The following CARD19 variants were observed in gnomAD, a reference collection of about 807,000 sequenced individuals.
CARD19 encodes caspase recruitment domain family member 19.
In CARD19, 25 loss-of-function variants were observed where a neutral mutation model predicts 24.1. The observed-to-expected ratio is 1.04, with a 90% confidence interval of 0.76 to 1.45. CARD19 has a LOEUF of 1.45. CARD19 is among the 40% of genes most tolerant of loss of function. The pLI is 0.00. For missense variants in CARD19, 241 were observed against 247.4 expected (o/e 0.97, Z 0.17); for synonymous variants, 103 against 104.9 (o/e 0.98, Z 0.11).
chr9:93,107,638 C>T, intron 1 of CARD19, 36 bp from the exon 2 acceptor site: 3 of 1,612,392 alleles, frequency 1.9e-6, no homozygotes, highest in Non-Finnish European at 1.7e-6. Flanking sequence ...TCCCCTTGGG[C>T]TGTGCTGGCT....
rs1826887089 is a variant in CARD19, at chr9:93,096,858, A to AT, written c.7+508dup. ...GCGATGCGTTCCTCGGCGGCATGTG[A>AT]TTCCTGTGGGACTCTTGGAGTCTCC... On this transcript the variant is annotated intron_variant, in intron 1 of 5. Transcript: ENST00000375464. This position sits in a 1 kb window ranked among gnomAD's most constrained non-coding sequence, Gnocchi z 5.4. Among the ~76,000 whole-genome samples, 1 of 150,668 alleles carries AT rather than the reference A, an allele frequency of 6.6e-6. No homozygotes were observed. Among genetic ancestry groups the AT allele is most frequent in the Non-Finnish European group, 1.5e-5 (1 of 67,596 alleles).
At position 93,110,593 on chromosome 9, in the gene CARD19, G is replaced by A. The variant is rs200833853; in HGVS notation, c.176G>A (p.Arg59His). Residue 59 changes from arginine to histidine, a missense_variant, in exon 3 of 6, where the codon CGT becomes CAT. By Grantham distance (29) the Arg-to-His change is conservative. Coordinates refer to ENST00000375464, the MANE Select transcript of CARD19 (RefSeq NM_032310.5). ...EKFRNPKASL[R>H]VRLCDLLSHL... ...TTCCGGAACCCCAAGGCATCCTTGC[G>A]TGTGCGGCTCTGTGACCTCCTGAGC... 5.7e-5 allele frequency: 92 copies of A among 1,611,398 alleles called. 1 individual carries two copies. The highest frequency in any genetic ancestry group is 5.2e-4 in the Admixed American group (31 of 59,916).
intron 1 of CARD19, among the ~76,000 whole-genome samples, chr9:93,105,620 T>A (rs964425874): frequency 2.6e-5 from 4 of 152,204 alleles, no homozygotes; most frequent in Non-Finnish European, 5.9e-5. Context: ...TGAGTTTTTT[T>A]AGTTTTCTAT....
At chr9:93,112,887 C>A in intron 5 of CARD19, 105 bp from the exon 6 acceptor site, 1 of 703,844 alleles carries the variant, frequency 1.4e-6, no homozygotes, top group Non-Finnish European at 2.4e-6. Context: ...GAGGGAGCAC[C>A]CTGTCCCAGT....
In CARD19 at chr9:93,110,550, AC is replaced by A; in HGVS notation, c.151-13del. 6.4e-7 allele frequency: 1 copy of A among 1,571,632 alleles called. No individual in the cohort carries two copies. ...CCCCCCTGGCCTGATCTTCCCTGGCACCCCCTTGTACCCTCAGTTCCGGAAC... is the reference window on the plus strand; with the variant it reads ...CCCCCCTGGCCTGATCTTCCCTGGCACCCCTTGTACCCTCAGTTCCGGAAC... On this transcript the variant is annotated splice_polypyrimidine_tract_variant and intron_variant, in intron 2 of 5. Transcript: ENST00000375464.
At position 93,112,917 on chromosome 9, in the gene CARD19, C is replaced by T. The variant is rs73522765; in HGVS notation, c.437-75C>T. On this transcript the variant is annotated intron_variant, in intron 5 of 5. Coordinates refer to ENST00000375464, the MANE Select transcript of CARD19 (RefSeq NM_032310.5). The stretch of plus-strand genomic sequence containing the variant: ...CCCAGTGCCTGTTCCCACCCACCCC[C>T]GCAGGAGGGATGGAAACACAGAATT... The T allele has an allele frequency of 3.6e-3, 3,725 of 1,041,858 alleles. 95 individuals are homozygous for T. The African/African-American group carries it at 0.051, about 14-fold the overall frequency. 64.5% of individuals were successfully genotyped at this position (1,041,858 alleles called of 1,614,324 possible).
chr9:93,101,266 A>T (rs1587636893), intron 1 of CARD19, among the ~76,000 whole-genome samples: 1 of 152,008 alleles, frequency 6.6e-6, no homozygotes, highest in East Asian at 1.9e-4. Context: ...TTTAGTAGAG[A>T]CGGGGCTTCG....
chr9:93,100,504 C>T (rs112636787), intron 1 of CARD19, among the ~76,000 whole-genome samples: 6 of 152,228 alleles, frequency 3.9e-5, no homozygotes, highest in African/African-American at 1.2e-4. Context: ...GAATAATATT[C>T]GTTGTATGGA....
chr9:93,107,739 G>A lies in CARD19; in HGVS notation c.73G>A (p.Glu25Lys), dbSNP rs750481219. The A allele has an allele frequency of 1.9e-6, 3 of 1,614,108 alleles. No homozygotes were observed. Among genetic ancestry groups the A allele is most frequent in the Non-Finnish European group, 2.5e-6 (3 of 1,180,032 alleles). ...CCTGACAGGCCATGGGCGCTTGAGT[G>A]AGCAGCAGGTGGACAGGATCATCCT... ...PFLTGHGRLS[E>K]QQVDRIILQL... Residue 25 changes from glutamate (E) to lysine (K), a missense_variant, in exon 2 of 6, where the codon GAG (glutamate) becomes AAG (lysine). Coordinates refer to ENST00000375464, the MANE Select transcript of CARD19 (RefSeq NM_032310.5).
At chr9:93,104,455 C>T (rs909611596) in intron 1 of CARD19, among the ~76,000 whole-genome samples, 4 of 75,428 alleles carry the variant, frequency 5.3e-5, no homozygotes, top group East Asian at 3.0e-4. Flanking sequence ...AGTGTTCTCT[C>T]GTCTTCAGTT....
At position 93,112,610 on chromosome 9, in the gene CARD19, C is replaced by T. The variant is rs573857368; in HGVS notation, c.436+321C>T. 4.6e-4 allele frequency among the ~76,000 whole-genome samples: 70 copies of T among 152,340 alleles called. No individual in the cohort carries two copies. In the South Asian group the frequency reaches 7.7e-3, roughly 17 times the overall value. ...CCATGTGGGGCCCTTGAGCAGGTCA[C>T]GTGCCCCAGGGCCTTGGGTCTCTCC... On this transcript the variant is annotated intron_variant, in intron 5 of 5. Coordinates refer to ENST00000375464, the MANE Select transcript of CARD19 (RefSeq NM_032310.5).
At chr9:93,111,538 CGAGG>C in intron 3 of CARD19, 1 of 1,194,226 alleles carries the variant, frequency 8.4e-7, no homozygotes, top group Non-Finnish European at 1.0e-6. Flanking sequence ...GGGGAGAGCT[CGAGG>C]GGAGGCCCAG....
rs140785195 is a variant in CARD19, at chr9:93,110,698, G to A, written c.281G>A (p.Arg94His). The A allele has an allele frequency of 2.6e-5, 42 of 1,610,880 alleles. 1 individual carries two copies. In the African/African-American group the frequency reaches 4.1e-4, roughly 16 times the overall value. ...LYIHAQPLHS[R>H]LPSRHALQNS... ...ATCCATGCCCAGCCCCTGCACAGCC[G>A]CCTGCCCAGCCGCCACGCTCTGCGT... is the stretch of plus-strand genomic sequence containing the variant. The change falls in exon 3 of 6, where the codon CGC becomes CAC. Residue 94 changes from arginine (R) to histidine (H), a missense_variant. Physicochemically the swap from Arg to His is conservative, Grantham distance 29 (BLOSUM62 0). Transcript: ENST00000375464.
At position 93,105,846 on chromosome 9, in the gene CARD19, T is replaced by A. The variant is rs533386264; in HGVS notation, c.8-1828T>A. Among the ~76,000 whole-genome samples the A allele has an allele frequency of 3.4e-4, 52 of 152,326 alleles. No individual in the cohort carries two copies. The South Asian group carries it at 1.0e-2, about 29-fold the overall frequency. ...AGGTATAATTGGCTTACGGTGTTGT[T>A]GAAGTCCTGTTTCCTCATTTATCTT... On this transcript the variant is annotated intron_variant, in intron 1 of 5. Coordinates refer to ENST00000375464, the MANE Select transcript of CARD19 (RefSeq NM_032310.5).
intron 1 of CARD19, among the ~76,000 whole-genome samples, chr9:93,099,323 T>C (rs1032404385): frequency 5.3e-5 from 8 of 152,218 alleles, no homozygotes; most frequent in Non-Finnish European, 1.0e-4. Flanking sequence ...GGGAGTAGAC[T>C]GCTGTAGCTG....
chr9:93,099,219 C>A (rs779410583), intron 1 of CARD19, among the ~76,000 whole-genome samples: 10 of 152,212 alleles, frequency 6.6e-5, no homozygotes, highest in Non-Finnish European at 1.5e-4. Flanking sequence ...CCACCGCGTC[C>A]GGCCTGCAGA....
intron 2 of CARD19, among the ~76,000 whole-genome samples, 164 bp downstream of exon 2, chr9:93,107,980 C>T (rs1025242054): frequency 1.3e-5 from 2 of 152,234 alleles, no homozygotes; most frequent in Non-Finnish European, 2.9e-5. Flanking sequence ...CTAAGGCTGC[C>T]TGAGCTACAA....
At chr9:93,101,938 C>G (rs1407970660) in intron 1 of CARD19, among the ~76,000 whole-genome samples, 1 of 149,274 alleles carries the variant, frequency 6.7e-6, no homozygotes, top group East Asian at 2.0e-4. Context: ...TTTGAATTTC[C>G]TTAATGACTA....
chr9:93,098,848 CG>C, intron 1 of CARD19, among the ~76,000 whole-genome samples: 1 of 150,860 alleles, frequency 6.6e-6, no homozygotes. Context: ...ATGCTGGCCA[CG>C]GTCCACCTAC....
Sources: gnomAD v4.1 joint callset for allele counts (sites outside exome capture counted in the v4.1 genomes callset) on GRCh38, gnomAD v4.1.1 for gene constraint, Gnocchi (gnomAD v3.1) non-coding constraint, MANE v1.5 for transcripts, NCBI Gene and HGNC (gene_info 2026-07-23, HGNC 2026-07-21) for gene names.